The following APELA variants were observed in gnomAD, a reference collection of about 807,000 sequenced individuals.
APELA encodes the protein protein Elabela.
rs148221850 is a variant in APELA, at chr4:164,890,065, C to T, written c.*2-5351C>T. On this transcript the variant is annotated intron_variant, in intron 2 of 2. Coordinates refer to ENST00000507152, the MANE Select transcript of APELA (RefSeq NM_001297550.2). ...GATTGCATTTCACTGTATGGATAGC[C>T]TTAATTTATTTATCTTGACTTTATT... Among the ~76,000 whole-genome samples the T allele has an allele frequency of 8.5e-5, 13 of 152,162 alleles. 1 individual carries two copies. In the East Asian group the frequency reaches 2.3e-3, roughly 27 times the overall value.
chr4:164,897,487 T>C lies in APELA; in HGVS notation c.*2073T>C, dbSNP rs1219177763. On this transcript the variant is annotated 3_prime_UTR_variant, in exon 3 of 3. Coordinates refer to ENST00000507152, the MANE Select transcript of APELA (RefSeq NM_001297550.2). ...CTATTGTAAAGTAATGAAATGGTTATACATTTCTTAATTGTTCAATAAAAC... is the reference window on the plus strand; with the variant it reads ...CTATTGTAAAGTAATGAAATGGTTACACATTTCTTAATTGTTCAATAAAAC... 1 of 152,258 alleles carries C rather than the reference T, an allele frequency of 6.6e-6. No individual in the cohort carries two copies. Among genetic ancestry groups the C allele is most frequent in the Non-Finnish European group, 1.5e-5 (1 of 68,042 alleles). The allele number at this position is 152,258 out of a possible 1,614,324, so 9.4% of individuals were successfully genotyped here. A position where few individuals can be genotyped will look rare whatever the true frequency, so the allele number is the denominator to read the frequency against.
intron 2 of APELA, among the ~76,000 whole-genome samples, chr4:164,880,062 A>AT (rs1730628942): frequency 6.6e-6 from 1 of 152,220 alleles, no homozygotes; most frequent in African/African-American, 2.4e-5. Flanking sequence ...CATTGTAAGT[A>AT]TTTCAAGCTC....
At position 164,897,407 on chromosome 4, in the gene APELA, A is replaced by T. The variant is rs1132578; in HGVS notation, c.*1993A>T. 6.6e-6 allele frequency: 1 copy of T among 152,246 alleles called. No individual in the cohort carries two copies. The highest frequency in any genetic ancestry group is 2.4e-5 in the African/African-American group (1 of 41,456). The allele number at this position is 152,246 out of a possible 1,614,324, so 9.4% of individuals were successfully genotyped here. A position where few individuals can be genotyped will look rare whatever the true frequency, so the allele number is the denominator to read the frequency against. On this transcript the variant is annotated 3_prime_UTR_variant, in exon 3 of 3. Transcript: ENST00000507152. Reference sequence around the variant, plus strand: ...ATACATCTCATTCAATACAAGTCTAAACTCTTTCAAATACAAATTCGCATA... The same window carrying T: ...ATACATCTCATTCAATACAAGTCTATACTCTTTCAAATACAAATTCGCATA...
chr4:164,893,904 T>C (rs539397744), intron 2 of APELA, among the ~76,000 whole-genome samples: 8 of 152,218 alleles, frequency 5.3e-5, no homozygotes, highest in Non-Finnish European at 1.0e-4. Flanking sequence ...CCTCTCTTCC[T>C]CTTCTACTGC....
At chr4:164,893,077 T>G (rs1340941245) in intron 2 of APELA, among the ~76,000 whole-genome samples, 1 of 152,178 alleles carries the variant, frequency 6.6e-6, no homozygotes, top group Non-Finnish European at 1.5e-5. Context: ...ATTTTTGCTA[T>G]GGTTTTTCCA....
chr4:164,880,240 A>T (rs772480882), intron 2 of APELA, among the ~76,000 whole-genome samples: 1 of 152,218 alleles, frequency 6.6e-6, no homozygotes, highest in Non-Finnish European at 1.5e-5. Flanking sequence ...CTATTGTTTA[A>T]TGCATGCTTT....
chr4:164,887,246 C>T (rs1434638490), intron 2 of APELA, among the ~76,000 whole-genome samples: 2 of 152,142 alleles, frequency 1.3e-5, no homozygotes, highest in Non-Finnish European at 2.9e-5. Flanking sequence ...TTCTTTTTAG[C>T]ATAAATCCCA....
chr4:164,885,984 T>G (rs1219793347), intron 2 of APELA, among the ~76,000 whole-genome samples: 1 of 152,210 alleles, frequency 6.6e-6, no homozygotes, highest in African/African-American at 2.4e-5. Flanking sequence ...ATTTTCCTCA[T>G]GACGACCACC....
rs532280307 is a variant in APELA at position 164,897,093 on chromosome 4, T to C, written c.*1679T>C. ...CCATGCTGGGCCACAAGTTCATATCTGGAGTAGAAGTTTTACTTTGTAAAT... is the reference window on the plus strand; with the variant it reads ...CCATGCTGGGCCACAAGTTCATATCCGGAGTAGAAGTTTTACTTTGTAAAT... On this transcript the variant is annotated 3_prime_UTR_variant, in exon 3 of 3. Coordinates refer to ENST00000507152, the MANE Select transcript of APELA (RefSeq NM_001297550.2). The C allele has an allele frequency of 6.6e-6, 1 of 152,320 alleles. No individual in the cohort carries two copies. Among genetic ancestry groups the C allele is most frequent in the South Asian group, 2.1e-4 (1 of 4,832 alleles). The allele number at this position is 152,320 out of a possible 1,614,324, so 9.4% of individuals were successfully genotyped here.
intron 2 of APELA, among the ~76,000 whole-genome samples, chr4:164,880,939 T>A (rs1291975905): frequency 3.3e-5 from 5 of 152,180 alleles, no homozygotes; most frequent in African/African-American, 7.2e-5. Flanking sequence ...GGTGACAGCA[T>A]CCATTTTCTC....
At chr4:164,889,477 AAC>A (rs1251246624) in intron 2 of APELA, among the ~76,000 whole-genome samples, 3 of 152,294 alleles carry the variant, frequency 2.0e-5, no homozygotes, top group Admixed American at 2.0e-4. Flanking sequence ...ACATTATTTA[AAC>A]ACATATGAAA....
chr4:164,878,135 G>GAA (rs75632850), intron 1 of APELA, among the ~76,000 whole-genome samples: 3 of 112,208 alleles, frequency 2.7e-5, no homozygotes, highest in African/African-American at 7.1e-5. Flanking sequence ...CAGTAAGTTT[G>GAA]AAAAAAAAAA....
intron 2 of APELA, among the ~76,000 whole-genome samples, chr4:164,882,207 G>A (rs1268870718): frequency 2.6e-5 from 4 of 151,984 alleles, no homozygotes; most frequent in Admixed American, 1.3e-4. Flanking sequence ...AGGTTCTAGC[G>A]ATTCTCCTGC....
intron 2 of APELA, among the ~76,000 whole-genome samples, chr4:164,891,084 G>C (rs753171381): frequency 6.6e-6 from 1 of 151,926 alleles, no homozygotes; most frequent in Admixed American, 6.6e-5. Flanking sequence ...TCTTTATATC[G>C]TTGAGCTGTA....
intron 2 of APELA, among the ~76,000 whole-genome samples, chr4:164,891,197 G>A (rs1487716002): frequency 1.3e-5 from 2 of 152,106 alleles, no homozygotes; most frequent in Admixed American, 1.3e-4. Context: ...TTTTTTTGGT[G>A]TTGTCCTTGG....
intron 2 of APELA, among the ~76,000 whole-genome samples, chr4:164,885,564 A>C (rs1730754173): frequency 6.6e-6 from 1 of 152,028 alleles, no homozygotes; most frequent in Non-Finnish European, 1.5e-5. Context: ...AACACAGTGA[A>C]ATGCCATCTC....
intron 2 of APELA, among the ~76,000 whole-genome samples, chr4:164,883,942 C>T (rs112006836): frequency 0.029 from 3,331 of 114,510 alleles, 112 homozygotes; most frequent in African/African-American, 0.1. Flanking sequence ...GACAGAAAGA[C>T]GAAAGAGACA....
intron 2 of APELA, among the ~76,000 whole-genome samples, chr4:164,885,952 C>T (rs1730762640): frequency 6.6e-6 from 1 of 152,146 alleles, no homozygotes; most frequent in African/African-American, 2.4e-5. Flanking sequence ...TCTCTCCCTC[C>T]TTGAGAATTC....
intron 2 of APELA, among the ~76,000 whole-genome samples, chr4:164,883,878 C>A (rs1348291244): frequency 2.0e-5 from 3 of 149,028 alleles, no homozygotes; most frequent in African/African-American, 2.5e-5. Context: ...CTTGCTCCCC[C>A]AGAATGTTCA....
Sources: gnomAD v4.1 joint callset for allele counts (sites outside exome capture counted in the v4.1 genomes callset) on GRCh38, gnomAD v4.1.1 for gene constraint, MANE v1.5 for transcripts, NCBI Gene and HGNC (gene_info 2026-07-23, HGNC 2026-07-21) for gene names.